NEB: variants seen among roughly 807,000 people sequenced by gnomAD.
NEB encodes nemaline myopathy type 2.
Under a neutral mutation model 952.2 loss-of-function variants are expected in NEB, and 512 were observed. That is an observed-to-expected ratio of 0.54 (90% CI 0.50 to 0.58). The LOEUF (loss-of-function observed/expected upper bound fraction) is 0.58, where lower values mean the gene tolerates loss of function less well. Among genes scored for constraint, NEB ranks in the 20% least tolerant of loss-of-function variants. The probability of loss-of-function intolerance (pLI) is 0.00; values close to 1 mark genes in which losing one functional copy is unlikely to be tolerated. For missense variants in NEB, 8,428 were observed against 9,231.1 expected (o/e 0.91, Z 3.56); for synonymous variants, 2,900 against 3,149.8 (o/e 0.92, Z 2.66).
Position 151,525,979 on chromosome 2 carries a change from T to C in NEB, c.22140A>G (p.Glu7380=), listed in dbSNP as rs1336465807. The change falls in exon 150 of 182, where the codon GAA becomes GAG. Residue 7380 remains glutamate (E), a synonymous_variant. Transcript: ENST00000397345. The stretch of plus-strand genomic sequence containing the variant: ...TTACATCACTGACATGCTTGGTCAC[T>C]TCCTTGACGTGAACAGTGTCCCGGG... ...PETRDTVHVK[E]VTKHVSDTNY... The C allele has an allele frequency of 6.2e-7, 1 of 1,613,952 alleles. No homozygotes were observed.
At position 151,490,522 on chromosome 2, in the gene NEB, G is replaced by C; in HGVS notation, c.25151-4C>G. On this transcript the variant is annotated splice_region_variant and splice_polypyrimidine_tract_variant and intron_variant, in intron 179 of 181. Coordinates refer to ENST00000397345, the MANE Select transcript of NEB (RefSeq NM_001164508.2). ...CGGCTCCGGCGCTGAGCTTGGACTG[G>C]GAGAGATGCAGTTGGGGGAGATGTA... 3 of 1,608,044 alleles carry C rather than the reference G, an allele frequency of 1.9e-6. No individual in the cohort carries two copies. The highest frequency in any genetic ancestry group is 2.5e-6 in the Non-Finnish European group (3 of 1,177,188).
At position 151,643,844 on chromosome 2, in the gene NEB, G is replaced by A. The variant is rs747546709; in HGVS notation, c.7930C>T (p.Arg2644Trp). Residue 2644 changes from arginine to tryptophan, a missense_variant, in exon 57 of 182, where the codon CGG (arginine) becomes TGG (tryptophan). By Grantham distance (101) the Arg-to-Trp change is moderately radical. Coordinates refer to ENST00000397345, the MANE Select transcript of NEB (RefSeq NM_001164508.2). ...TCGCTCTGGAGGTCATAGGCCTGCC[G>A]AGCATGGATGACATCGCTCTGGTCG... is the stretch of plus-strand genomic sequence containing the variant. ...LPDQSDVIHA[R>W]QAYDLQSDNL... The A allele has an allele frequency of 1.4e-5, 23 of 1,613,702 alleles. No homozygotes were observed. The highest frequency in any genetic ancestry group is 1.6e-4 in the Middle Eastern group (1 of 6,082).
intron 135 of NEB, among the ~76,000 whole-genome samples, chr2:151,543,054 C>T (rs555141104): frequency 2.0e-5 from 3 of 152,306 alleles, no homozygotes; most frequent in Non-Finnish European, 4.4e-5. Context: ...AGAGTCCATG[C>T]TGTCTTGACT....
chr2:151,662,069 T>A, intron 46 of NEB, 66 bp downstream of exon 46: 1 of 1,409,386 alleles, frequency 7.1e-7, no homozygotes, highest in Non-Finnish European at 9.7e-7. Flanking sequence ...AACCTGTGGA[T>A]TAAATGTAAA....
At chr2:151,575,083 G>A (rs940633261) in intron 107 of NEB, among the ~76,000 whole-genome samples, 1 of 151,910 alleles carries the variant, frequency 6.6e-6, no homozygotes, top group African/African-American at 2.4e-5. Context: ...GAAAAGTTTT[G>A]GTAATTGCAA....
In NEB at chr2:151,619,685, T is replaced by C. The variant is rs2098335019; in HGVS notation, c.10638A>G (p.Ile3546Met). 2 of 1,613,936 alleles carry C rather than the reference T, an allele frequency of 1.2e-6. No individual in the cohort carries two copies. Among genetic ancestry groups the C allele is most frequent in the African/African-American group, 2.7e-5 (2 of 75,058 alleles). ...CTTTGGCAATGTGGAGGGACCACAT[T>C]ATCTTGGGGTCATCGTGTACTGCTC... The part of the protein sequence containing the change: ...GARAVHDDPK[I>M]MWSLHIAKVQ... Residue 3546 changes from isoleucine (I) to methionine (M), a missense_variant, in exon 73 of 182, where the codon ATA (isoleucine) becomes ATG (methionine). Coordinates refer to ENST00000397345, the MANE Select transcript of NEB (RefSeq NM_001164508.2).
At position 151,709,672 on chromosome 2, in the gene NEB, C is replaced by T. The variant is rs1228658263; in HGVS notation, c.1019G>A (p.Gly340Asp). Residue 340 changes from glycine (G) to aspartate (D), a missense_variant, in exon 12 of 182, where the codon GGT becomes GAT. Coordinates refer to ENST00000397345, the MANE Select transcript of NEB (RefSeq NM_001164508.2). ...TPEYKMNKKAGVAASKVKYKE... is the reference protein window; with the variant it reads ...TPEYKMNKKADVAASKVKYKE... ...TCCTCATACCTTGCTAGCTGCCACA[C>T]CAGCTTTTTTATTCATTTTATACTC... The T allele has an allele frequency of 1.3e-6, 2 of 1,596,398 alleles. No individual in the cohort carries two copies. The highest frequency in any genetic ancestry group is 1.3e-5 in the African/African-American group (1 of 74,772).
At chr2:151,492,352 G>A in intron 177 of NEB, 35 bp downstream of exon 177, 1 of 1,588,788 alleles carries the variant, frequency 6.3e-7, no homozygotes, top group East Asian at 2.2e-5. Context: ...CATTCTGACA[G>A]GCAGCCAGCC....
Position 151,558,369 on chromosome 2 carries a change from C to T in NEB, c.19314+2223G>A, listed in dbSNP as rs192909346. ...CACTGCTCAAGGAACTAAGAGAGGA[C>T]ACGAACAAATGGAAAAACATTCTAT... On this transcript the variant is annotated intron_variant, in intron 124 of 181. Coordinates refer to ENST00000397345, the MANE Select transcript of NEB (RefSeq NM_001164508.2). 1.7e-4 allele frequency among the ~76,000 whole-genome samples: 26 copies of T among 152,150 alleles called. No individual in the cohort carries two copies. The East Asian group carries it at 3.7e-3, about 22-fold the overall frequency.
chr2:151,627,751 C>A lies in NEB; in HGVS notation c.9915G>T (p.Trp3305Cys), dbSNP rs758366497. The change falls in exon 69 of 182, where the codon TGG (tryptophan) becomes TGT (cysteine). Residue 3305 changes from tryptophan to cysteine, a missense_variant. Trp to Cys is a radical substitution (Grantham distance 215). Transcript: ENST00000397345. ...RNIEDDPKMM[W>C]SMHVAKIQSD... Reference sequence around the variant, plus strand: ...TCTGGATCTTGGCCACATGCATGGACCACATCATCTTGGGGTCATCTTCAA... The same window carrying A: ...TCTGGATCTTGGCCACATGCATGGAACACATCATCTTGGGGTCATCTTCAA... The A allele has an allele frequency of 1.1e-5, 17 of 1,613,810 alleles. No individual in the cohort carries two copies. Among genetic ancestry groups the A allele is most frequent in the Non-Finnish European group, 1.4e-5 (16 of 1,179,882 alleles).
chr2:151,526,396 T>G (rs2153454890), intron 148 of NEB, 134 bp from the exon 149 acceptor site: 1 of 688,712 alleles, frequency 1.5e-6, no homozygotes, highest in South Asian at 1.7e-5. Context: ...TTGCAAATTT[T>G]GGGAAATATT....
At position 151,630,786 on chromosome 2, in the gene NEB, T is replaced by G; in HGVS notation, c.9652A>C (p.Thr3218Pro). The change falls in exon 67 of 182, where the codon ACT (threonine) becomes CCT (proline). Residue 3218 changes from threonine (T) to proline (P), a missense_variant. Physicochemically the swap from Thr to Pro is conservative, Grantham distance 38. Around this residue, in one of 11 missense-constraint regions of NEB, gnomAD observed 1,772 missense variants for 1,960.3 expected, o/e 0.90. Coordinates refer to ENST00000397345, the MANE Select transcript of NEB (RefSeq NM_001164508.2). ...LYTEAWDKDKTQIHIMPDTPE... is the reference protein window; with the variant it reads ...LYTEAWDKDKPQIHIMPDTPE... ...GTATCAGGCATTATGTGAATTTGAG[T>G]CTTGTCTTTGTCCCAGGCCTCTGTG... 1 of 1,611,460 alleles carries G rather than the reference T, an allele frequency of 6.2e-7. No homozygotes were observed. Among genetic ancestry groups the G allele is most frequent in the Non-Finnish European group, 8.5e-7 (1 of 1,178,636 alleles).
In NEB at chr2:151,490,394, C is replaced by G; in HGVS notation, c.25275G>C (p.Gly8425=). The change falls in exon 180 of 182, where the codon GGG becomes GGC. Residue 8425 remains glycine (G), a synonymous_variant. Transcript: ENST00000397345. ...TACCTGTTGAGACTGCAAAGACACCCCCGTCGCTGTAAGTCGAAAGGTGGT... is the reference window on the plus strand; with the variant it reads ...TACCTGTTGAGACTGCAAAGACACCGCCGTCGCTGTAAGTCGAAAGGTGGT... The part of the protein sequence containing the change: ...PDHHLSTYSD[G]GVFAVSTAYK... 1 of 1,592,252 alleles carries G rather than the reference C, an allele frequency of 6.3e-7. No individual in the cohort carries two copies. Among genetic ancestry groups the G allele is most frequent in the Non-Finnish European group, 8.6e-7 (1 of 1,168,528 alleles).
rs776941917 is a variant in NEB, at chr2:151,565,044, A to G, written c.18471T>C (p.Thr6157=). ...HSKDMGKLYS[T]ILYKGAWEGT... is the part of the protein sequence containing the mutation. Reference sequence around the variant, plus strand: ...GGTTATTACATAAAAGAGAACTTACAGTACTGTAGAGTTTTCCCATGTCTT... The same window carrying G: ...GGTTATTACATAAAAGAGAACTTACGGTACTGTAGAGTTTTCCCATGTCTT... The change falls in exon 117 of 182, where the codon ACT becomes ACC. Residue 6157 remains threonine (T), a splice_region_variant and synonymous_variant. Coordinates refer to ENST00000397345, the MANE Select transcript of NEB (RefSeq NM_001164508.2). 2 of 1,527,128 alleles carry G rather than the reference A, an allele frequency of 1.3e-6. No individual in the cohort carries two copies. Among genetic ancestry groups the G allele is most frequent in the Non-Finnish European group, 1.8e-6 (2 of 1,108,428 alleles). The allele number at this position is 1,527,128 out of a possible 1,614,324, so 94.6% of individuals were successfully genotyped here.
In NEB at chr2:151,678,075, T is replaced by A; in HGVS notation, c.3368A>T (p.Asp1123Val). The A allele has an allele frequency of 6.2e-7, 1 of 1,613,932 alleles. No homozygotes were observed. Among genetic ancestry groups the A allele is most frequent in the Non-Finnish European group, 8.5e-7 (1 of 1,179,834 alleles). Residue 1123 changes from aspartate (D) to valine (V), a missense_variant, in exon 33 of 182, where the codon GAT (aspartate) becomes GTT (valine). Asp to Val is a radical substitution (Grantham distance 152). This residue lies in a region of NEB where 2,851 missense variants were observed against 2,791.5 expected (regional missense o/e 1.02). Coordinates refer to ENST00000397345, the MANE Select transcript of NEB (RefSeq NM_001164508.2). Reference sequence around the variant, plus strand: ...CTCATAGTCTTTTTTATACTCCCGATCTGATTGTATCTTGGCCACGTTCAT... The same window carrying A: ...CTCATAGTCTTTTTTATACTCCCGAACTGATTGTATCTTGGCCACGTTCAT... ...HYMNVAKIQS[D>V]REYKKDYEKT...
chr2:151,723,750 G>GGTTTTTT (rs1553685530), intron 8 of NEB, among the ~76,000 whole-genome samples: 1 of 51,364 alleles, frequency 1.9e-5, no homozygotes. Context: ...TGCCTTCTTT[G>GGTTTTTT]TTTTTTTTTT....
chr2:151,689,110 G>C (rs1329958233), intron 24 of NEB: 2 of 151,494 alleles, frequency 1.3e-5, no homozygotes, highest in Non-Finnish European at 2.9e-5. Context: ...GTTGTGTCTG[G>C]AGAACACGAA....
At chr2:151,653,562 C>T (rs959555052) in intron 52 of NEB, among the ~76,000 whole-genome samples, 7 of 152,116 alleles carry the variant, frequency 4.6e-5, no homozygotes, top group African/African-American at 1.7e-4. Context: ...ATGGGCTAAA[C>T]TGAAATAACT....
rs201020210 is a variant in NEB at position 151,624,729 on chromosome 2, T to TA, written c.10452+804dup. On this transcript the variant is annotated intron_variant, in intron 71 of 181. Transcript: ENST00000397345. ...AGACAACTCTGCCTTCCTTTTTCTCTAAAAAAAAATGAAGACACATAGACA... is the reference window on the plus strand; with the variant it reads ...AGACAACTCTGCCTTCCTTTTTCTCTAAAAAAAAAATGAAGACACATAGACA... 1.9e-3 allele frequency among the ~76,000 whole-genome samples: 292 copies of TA among 151,164 alleles called. 1 individual carries two copies. The highest frequency in any genetic ancestry group is 6.7e-3 in the African/African-American group (275 of 41,284).
Sources: gnomAD v4.1 joint callset for allele counts (sites outside exome capture counted in the v4.1 genomes callset) on GRCh38, gnomAD v4.1.1 for gene constraint, gnomAD v4.1.1 regional missense constraint, MANE v1.5 for transcripts, NCBI Gene and HGNC (gene_info 2026-07-23, HGNC 2026-07-21) for gene names.